BCAS1: variants seen among roughly 807,000 people sequenced by gnomAD.
BCAS1 encodes brain enriched myelin associated protein 1, also known as breast carcinoma-amplified sequence 1.
In BCAS1, 46 loss-of-function variants were observed where a neutral mutation model predicts 65.4. The ratio of observed to expected loss-of-function variants is 0.70; its 90% confidence interval spans 0.55 to 0.90. BCAS1 has a LOEUF of 0.90. Ranked by LOEUF, BCAS1 falls within the 40% of genes least tolerant of loss-of-function variation. The pLI is 0.00. For missense variants in BCAS1, 793 were observed against 771.2 expected (o/e 1.03, Z -0.33); for synonymous variants, 298 against 293.5 (o/e 1.02, Z -0.16).
At chr20:54,006,697 G>C (rs1020563082) in intron 4 of BCAS1, among the ~76,000 whole-genome samples, 1 of 140,148 alleles carries the variant, frequency 7.1e-6, no homozygotes, top group Non-Finnish European at 1.5e-5. Flanking sequence ...GCGACAGAGT[G>C]AGACTCCATC....
intron 9 of BCAS1, among the ~76,000 whole-genome samples, chr20:53,970,652 G>A (rs1003416676): frequency 1.3e-5 from 2 of 152,152 alleles, no homozygotes; most frequent in Non-Finnish European, 2.9e-5. Context: ...GCATGAAGAT[G>A]GCAGGTACAT....
At chr20:53,951,419 C>T (rs538532362) in intron 12 of BCAS1, among the ~76,000 whole-genome samples, 3 of 152,220 alleles carry the variant, frequency 2.0e-5, no homozygotes, top group South Asian at 2.1e-4. Flanking sequence ...TGCGGTGAGC[C>T]GAGATTGCAC....
At chr20:54,000,206 T>A (rs1038407068) in intron 4 of BCAS1, among the ~76,000 whole-genome samples, 2 of 152,228 alleles carry the variant, frequency 1.3e-5, no homozygotes, top group African/African-American at 4.8e-5. Context: ...GGAGACATTT[T>A]TTTGATTGTC....
intron 10 of BCAS1, among the ~76,000 whole-genome samples, chr20:53,966,514 CATACT>C (rs1461600561): frequency 6.6e-6 from 1 of 152,132 alleles, no homozygotes; most frequent in Non-Finnish European, 1.5e-5. Context: ...TAAAAGACTG[CATACT>C]GGCTGTAGTG....
intron 7 of BCAS1, among the ~76,000 whole-genome samples, chr20:53,987,637 T>C (rs937142725): frequency 6.6e-6 from 1 of 152,192 alleles, no homozygotes; most frequent in Non-Finnish European, 1.5e-5. Flanking sequence ...AAGGAGAGGA[T>C]GACAGTAAAT....
intron 11 of BCAS1, among the ~76,000 whole-genome samples, chr20:53,955,053 T>A (rs766561150): frequency 2.6e-5 from 4 of 152,398 alleles, no homozygotes; most frequent in Middle Eastern, 3.4e-3. Flanking sequence ...TGTATAAGCA[T>A]GATTCATGAA....
chr20:54,043,819 G>A (rs1381622707), intron 3 of BCAS1, among the ~76,000 whole-genome samples: 1 of 152,196 alleles, frequency 6.6e-6, no homozygotes, highest in Non-Finnish European at 1.5e-5. Context: ...ACAACTCTGC[G>A]AGTCACTGCT....
At chr20:53,994,654 C>T (rs769368512) in intron 6 of BCAS1, among the ~76,000 whole-genome samples, 1 of 152,038 alleles carries the variant, frequency 6.6e-6, no homozygotes, top group African/African-American at 2.4e-5. Context: ...CTGTTTTTTA[C>T]TATATTCCCT....
At position 54,027,300 on chromosome 20, in the gene BCAS1, G is replaced by A. The variant is rs182352023; in HGVS notation, c.723+1092C>T. 3.8e-3 allele frequency among the ~76,000 whole-genome samples: 578 copies of A among 152,168 alleles called. 5 individuals carry two copies. The highest frequency in any genetic ancestry group is 0.013 in the African/African-American group (523 of 41,496). On this transcript the variant is annotated intron_variant, in intron 4 of 12. Coordinates refer to ENST00000688948, the MANE Select transcript of BCAS1 (RefSeq NM_001366298.2). The stretch of plus-strand genomic sequence containing the variant: ...CCCAGCCTTCATAATGTAATTCTTC[G>A]TAGCACCCTGGATGCATTAAAACCA...
chr20:53,956,362 C>T (rs531096638), intron 11 of BCAS1, among the ~76,000 whole-genome samples: 7 of 152,324 alleles, frequency 4.6e-5, no homozygotes, highest in African/African-American at 1.7e-4. Context: ...TCACCAGGAA[C>T]CAAACCCTGC....
At chr20:54,053,490 G>T (rs2092251246) in intron 3 of BCAS1, among the ~76,000 whole-genome samples, 1 of 152,232 alleles carries the variant, frequency 6.6e-6, no homozygotes, top group Non-Finnish European at 1.5e-5. Flanking sequence ...AGGCATAAGG[G>T]ATGTAGGAAA....
At chr20:54,016,985 G>A (rs1312146407) in intron 4 of BCAS1, among the ~76,000 whole-genome samples, 3 of 152,168 alleles carry the variant, frequency 2.0e-5, no homozygotes, top group East Asian at 1.9e-4. Flanking sequence ...CATCTCACAC[G>A]GGGGTAGCAG....
chr20:54,050,078 T>TA (rs2092183774), intron 3 of BCAS1, among the ~76,000 whole-genome samples: 2 of 152,216 alleles, frequency 1.3e-5, no homozygotes, highest in South Asian at 4.1e-4. Flanking sequence ...AGAGGTCACC[T>TA]ACATTCCTTG....
At chr20:54,015,526 A>G (rs915525978) in intron 4 of BCAS1, among the ~76,000 whole-genome samples, 1 of 152,176 alleles carries the variant, frequency 6.6e-6, no homozygotes, top group Non-Finnish European at 1.5e-5. Context: ...CATGGCAAAA[A>G]CAGGGAAAGA....
At chr20:54,069,286 A>T (rs2092484797) in intron 1 of BCAS1, among the ~76,000 whole-genome samples, 1 of 152,176 alleles carries the variant, frequency 6.6e-6, no homozygotes, top group African/African-American at 2.4e-5. Context: ...AGCCATGGAG[A>T]TGAATAGTAT....
intron 7 of BCAS1, among the ~76,000 whole-genome samples, chr20:53,991,219 C>T (rs2090751363): frequency 6.6e-6 from 1 of 152,210 alleles, no homozygotes; most frequent in South Asian, 2.1e-4. Flanking sequence ...CCAGCAGTTA[C>T]TAAGTTATTT....
At chr20:53,980,351 A>G (rs1016649328) in intron 8 of BCAS1, among the ~76,000 whole-genome samples, 1 of 152,198 alleles carries the variant, frequency 6.6e-6, no homozygotes, top group Admixed American at 6.5e-5. Context: ...AGCTCCTTGC[A>G]ATATGTTTTG....
At chr20:53,985,255 A>G in intron 8 of BCAS1, 32 bp downstream of exon 8, 1 of 1,603,754 alleles carries the variant, frequency 6.2e-7, no homozygotes, top group Non-Finnish European at 8.5e-7. Context: ...CCCCGCCCGG[A>G]CGACTCTCTA....
intron 10 of BCAS1, among the ~76,000 whole-genome samples, chr20:53,966,180 A>G (rs547059234): frequency 1.6e-4 from 25 of 152,242 alleles, no homozygotes; most frequent in Non-Finnish European, 2.5e-4. Context: ...CTGCACACAC[A>G]GGTTTATTGC....
Sources: allele counts gnomAD v4.1 joint callset (sites outside exome capture counted in the v4.1 genomes callset), GRCh38; gene constraint gnomAD v4.1.1; transcripts MANE v1.5; gene names NCBI Gene and HGNC (gene_info 2026-07-23, HGNC 2026-07-21).